CACNA1I: variants seen among roughly 807,000 people sequenced by gnomAD.
CACNA1I encodes voltage-dependent T-type calcium channel subunit alpha-1I.
In CACNA1I, 74 loss-of-function variants were observed where a neutral mutation model predicts 201.6. The observed-to-expected ratio is 0.37, with a 90% CI of 0.30 to 0.45. CACNA1I has a LOEUF of 0.45. Ranked by LOEUF, CACNA1I falls within the 20% of genes least tolerant of loss-of-function variation. The probability of loss-of-function intolerance (pLI) is 1.00; values close to 1 mark genes in which losing one functional copy is unlikely to be tolerated. For missense variants in CACNA1I, 2,346 were observed against 3,138.1 expected (o/e 0.75, Z 6.03); for synonymous variants, 1,431 against 1,345.2 (o/e 1.06, Z -1.40).
chr22:39,646,452 T>C, intron 7 of CACNA1I, 117 bp from the exon 8 acceptor site: 1 of 1,427,754 alleles, frequency 7.0e-7, no homozygotes, highest in Non-Finnish European at 9.3e-7. Flanking sequence ...CCCATCTCCC[T>C]CTGCCTCCCT....
intron 5 of CACNA1I, among the ~76,000 whole-genome samples, chr22:39,638,309 A>G (rs992187817): frequency 1.5e-4 from 23 of 152,180 alleles, no homozygotes; most frequent in Non-Finnish European, 2.9e-5. Flanking sequence ...AGTGGTGGAA[A>G]AGTCTGTCCT....
At position 39,663,703 on chromosome 22, in the gene CACNA1I, GC is replaced by G; in HGVS notation, c.3474-12del. On this transcript the variant is annotated splice_polypyrimidine_tract_variant and intron_variant, in intron 18 of 36. Transcript: ENST00000402142. ...GGCAGCTGACGCTCAGGCAGCCCCC[GC>G]CCACCCTGCCCAGGTTCCGGGTCCT... The G allele has an allele frequency of 3.5e-6, 3 of 851,558 alleles. No individual in the cohort carries two copies. Among genetic ancestry groups the G allele is most frequent in the South Asian group, 2.7e-5 (2 of 74,374 alleles). The allele number at this position is 851,558 out of a possible 1,614,324, so 52.8% of individuals were successfully genotyped here.
Position 39,649,584 on chromosome 22 carries a change from G to A in CACNA1I, c.1651G>A (p.Ala551Thr), listed in dbSNP as rs368239983. ...PIPATLASDP[A>T]SCPCCQHEDG... is the part of the protein sequence containing the mutation. ...CCCCGCCACGCTGGCTTCCGATCCC[G>A]CCAGCTGCCCTTGCTGCCAGCATGA... Residue 551 changes from alanine (A) to threonine (T), a missense_variant, in exon 10 of 37, where the codon GCC becomes ACC. Physicochemically the swap from Ala to Thr is moderately conservative, Grantham distance 58. Around this residue, in one of 13 missense-constraint regions of CACNA1I, gnomAD observed 312 missense variants for 331.5 expected, o/e 0.94. Coordinates refer to ENST00000402142, the MANE Select transcript of CACNA1I (RefSeq NM_021096.4). The surrounding 1 kb of genome is among the most constrained non-coding windows in gnomAD (Gnocchi z 7.3). 248 of 1,545,430 alleles carry A rather than the reference G, an allele frequency of 1.6e-4. No individual in the cohort carries two copies. Among genetic ancestry groups the A allele is most frequent in the Non-Finnish European group, 2.1e-4 (239 of 1,144,750 alleles).
Position 39,662,277 on chromosome 22 carries a change from C to G in CACNA1I, c.3214C>G (p.Pro1072Ala). 1 of 1,516,196 alleles carries G rather than the reference C, an allele frequency of 6.6e-7. No individual in the cohort carries two copies. The highest frequency in any genetic ancestry group is 8.8e-7 in the Non-Finnish European group (1 of 1,137,378). The allele number at this position is 1,516,196 out of a possible 1,614,324, so 93.9% of individuals were successfully genotyped here. A position where few individuals can be genotyped will look rare whatever the true frequency, so the allele number is the denominator to read the frequency against. Residue 1072 changes from proline (P) to alanine (A), a missense_variant, in exon 17 of 37, where the codon CCC becomes GCC. Around this residue, in one of 13 missense-constraint regions of CACNA1I, gnomAD observed 288 missense variants for 255.2 expected, o/e 1.13. Transcript: ENST00000402142. ...CTCGGTGGACCTGGCCGAGCTGGTG[C>G]CCGCGGTGGGCGCCCACCCCCGGGC... ...RDSVDLAELV[P>A]AVGAHPRAAW...
chr22:39,663,061 T>C (rs1458890619), intron 18 of CACNA1I, among the ~76,000 whole-genome samples, 185 bp downstream of exon 18: 1 of 152,094 alleles, frequency 6.6e-6, no homozygotes, highest in East Asian at 1.9e-4. Flanking sequence ...AAGATGGATT[T>C]GGGGAGTGGG....
chr22:39,647,074 G>A (rs548090509), intron 8 of CACNA1I, among the ~76,000 whole-genome samples, 193 bp downstream of exon 8: 18 of 152,372 alleles, frequency 1.2e-4, no homozygotes, highest in African/African-American at 3.4e-4. Context: ...CAGAGCCTGC[G>A]CTGGGCCGGG....
At chr22:39,597,484 C>G (rs1314930016) in intron 1 of CACNA1I, among the ~76,000 whole-genome samples, 2 of 152,246 alleles carry the variant, frequency 1.3e-5, no homozygotes, top group Non-Finnish European at 2.9e-5. Context: ...CTGCCCAAGG[C>G]CAGGTTCATG....
At position 39,687,256 on chromosome 22, in the gene CACNA1I, G is replaced by A. The variant is rs953177339; in HGVS notation, c.*851G>A. On this transcript the variant is annotated 3_prime_UTR_variant, in exon 37 of 37. Coordinates refer to ENST00000402142, the MANE Select transcript of CACNA1I (RefSeq NM_021096.4). ...GGTGGGTTCCACCCCCAGGAGGGCG[G>A]GGGTGGGTGGAGCAGGAGTGGAGGC... is the stretch of plus-strand genomic sequence containing the variant. The A allele has an allele frequency of 6.6e-6, 1 of 152,364 alleles. No individual in the cohort carries two copies. The highest frequency in any genetic ancestry group is 2.4e-5 in the African/African-American group (1 of 41,402). 9.4% of individuals were successfully genotyped at this position (152,364 alleles called of 1,614,324 possible).
rs1285309755 is a variant in CACNA1I at position 39,686,639 on chromosome 22, T to TATAC, written c.*237_*238insCATA. On this transcript the variant is annotated 3_prime_UTR_variant, in exon 37 of 37. Transcript: ENST00000402142. Reference sequence around the variant, plus strand: ...ATATATATATATGCATATATATATATATATATATATATATGTGTATACACA... The same window carrying TATAC: ...ATATATATATATGCATATATATATATATACATATATATATATATGTGTATACACA... The TATAC allele has an allele frequency of 1.6e-4, 24 of 147,624 alleles. No homozygotes were observed. The highest frequency in any genetic ancestry group is 1.2e-3 in the East Asian group (6 of 5,068). The allele number at this position is 147,624 out of a possible 1,614,324, so 9.1% of individuals were successfully genotyped here. A position where few individuals can be genotyped will look rare whatever the true frequency, so the allele number is the denominator to read the frequency against.
chr22:39,669,517 A>G (rs902428877), intron 24 of CACNA1I, among the ~76,000 whole-genome samples: 1 of 150,800 alleles, frequency 6.6e-6, no homozygotes, highest in African/African-American at 2.4e-5. Context: ...GGATGGGTGA[A>G]TGGATGGATG....
intron 4 of CACNA1I, among the ~76,000 whole-genome samples, chr22:39,622,988 G>A (rs1456606391): frequency 2.0e-5 from 3 of 152,196 alleles, no homozygotes; most frequent in East Asian, 1.9e-4. Context: ...GCAGAGGGTC[G>A]CACACAAGGG....
chr22:39,669,862 G>A (rs1003679567), intron 24 of CACNA1I, among the ~76,000 whole-genome samples, 176 bp from the exon 25 acceptor site: 1 of 152,206 alleles, frequency 6.6e-6, no homozygotes, highest in Non-Finnish European at 1.5e-5. Flanking sequence ...GGACGATATT[G>A]TGCCATGCCC....
At chr22:39,663,943 C>T (rs1601512912) in intron 19 of CACNA1I, 102 bp downstream of exon 19, 2 of 1,552,544 alleles carry the variant, frequency 1.3e-6, no homozygotes, top group East Asian at 4.5e-5. Flanking sequence ...GGAGGCAGGA[C>T]AGGAAGTTTG....
At chr22:39,598,102 C>A in intron 1 of CACNA1I, 49 bp from the exon 2 acceptor site, 1 of 1,175,258 alleles carries the variant, frequency 8.5e-7, no homozygotes, top group Non-Finnish European at 1.2e-6. Flanking sequence ...TGCACCCCAG[C>A]CCCCACGGGC....
At position 39,662,169 on chromosome 22, in the gene CACNA1I, C is replaced by T. The variant is rs1351975015; in HGVS notation, c.3106C>T (p.His1036Tyr). ...GCGGGCCGCACCCCTGCACACCCCA[C>T]ACGCCCACCACATTCATCACGGGCC... ...PPRAAPLHTP[H>Y]AHHIHHGPHL... Residue 1036 changes from histidine (H) to tyrosine (Y), a missense_variant, in exon 17 of 37, where the codon CAC becomes TAC. Physicochemically the swap from His to Tyr is moderately conservative, Grantham distance 83 (BLOSUM62 2). This residue lies in a region of CACNA1I where 288 missense variants were observed against 255.2 expected (regional missense o/e 1.13). Coordinates refer to ENST00000402142, the MANE Select transcript of CACNA1I (RefSeq NM_021096.4). 2.0e-6 allele frequency: 3 copies of T among 1,531,724 alleles called. No homozygotes were observed. The highest frequency in any genetic ancestry group is 2.6e-5 in the East Asian group (1 of 38,498). 94.9% of individuals were successfully genotyped at this position (1,531,724 alleles called of 1,614,324 possible). A position where few individuals can be genotyped will look rare whatever the true frequency, so the allele number is the denominator to read the frequency against.
chr22:39,646,836 G>T lies in CACNA1I; in HGVS notation c.1417G>T (p.Ala473Ser). 1 of 1,535,542 alleles carries T rather than the reference G, an allele frequency of 6.5e-7. No homozygotes were observed. The highest frequency in any genetic ancestry group is 8.8e-7 in the Non-Finnish European group (1 of 1,141,288). Reference protein sequence around the residue: ...RRQALGPEAPAPAKPGPHAKE... With the variant: ...RRQALGPEAPSPAKPGPHAKE... Reference sequence around the variant, plus strand: ...CCAGGCCCTGGGCCCGGAGGCCCCGGCCCCCGCCAAACCTGGGCCCCACGC... The same window carrying T: ...CCAGGCCCTGGGCCCGGAGGCCCCGTCCCCCGCCAAACCTGGGCCCCACGC... The change falls in exon 8 of 37, where the codon GCC (alanine) becomes TCC (serine). Residue 473 changes from alanine (A) to serine (S), a missense_variant. Around this residue, in one of 13 missense-constraint regions of CACNA1I, gnomAD observed 312 missense variants for 331.5 expected, o/e 0.94. Coordinates refer to ENST00000402142, the MANE Select transcript of CACNA1I (RefSeq NM_021096.4).
rs1569091500 is a variant in CACNA1I at position 39,666,616 on chromosome 22, C to T, written c.4104+610C>T. Among the ~76,000 whole-genome samples the T allele has an allele frequency of 6.6e-6, 1 of 152,166 alleles. No homozygotes were observed. On this transcript the variant is annotated intron_variant, in intron 23 of 36. Transcript: ENST00000402142. This position sits in a 1 kb window ranked among gnomAD's most constrained non-coding sequence, Gnocchi z 4.1. ...GAGGGCCCTTGGCTGGCTGCCTCCC[C>T]TTCCCTGCTCTCATTTCTCGAGGGC...
At chr22:39,574,911 C>T (rs1394573444) in intron 1 of CACNA1I, among the ~76,000 whole-genome samples, 1 of 152,230 alleles carries the variant, frequency 6.6e-6, no homozygotes, top group Non-Finnish European at 1.5e-5. Flanking sequence ...TGGCCCAGAG[C>T]CAGCTGCTCT....
rs1325130205 is a variant in CACNA1I at position 39,619,314 on chromosome 22, G to A, written c.487G>A (p.Val163Ile). 5 of 1,607,926 alleles carry A rather than the reference G, an allele frequency of 3.1e-6. No individual in the cohort carries two copies. Among genetic ancestry groups the A allele is most frequent in the Admixed American group, 3.3e-5 (2 of 60,012 alleles). ...CTCTCTCTCCTTTCTCTGCAGGATG[G>A]TCGAGTACTCCCTGGACCTTCAGAA... ...LDFFIVMAGM[V>I]EYSLDLQNIN... The change falls in exon 4 of 37, where the codon GTC becomes ATC. Residue 163 changes from valine to isoleucine, a missense_variant. Val to Ile is a conservative substitution (Grantham distance 29). Transcript: ENST00000402142.
Sources: allele counts gnomAD v4.1 joint callset (sites outside exome capture counted in the v4.1 genomes callset), GRCh38; gene constraint gnomAD v4.1.1; regional missense constraint gnomAD v4.1.1; non-coding constraint Gnocchi (gnomAD v3.1); transcripts MANE v1.5; gene names NCBI Gene and HGNC (gene_info 2026-07-23, HGNC 2026-07-21).